The following NPAP1 variants were observed in gnomAD, a reference collection of about 807,000 sequenced individuals.
The protein encoded by NPAP1 is nuclear pore associated protein 1.
For synonymous variants in NPAP1, 616 were observed against 581.4 expected (o/e 1.06, Z -0.86); for missense variants, 1,483 against 1,454.5 (o/e 1.02, Z -0.32).
Position 24,677,739 on chromosome 15 carries a change from T to G in NPAP1, c.1872T>G (p.Leu624=). The G allele has an allele frequency of 2.5e-6, 4 of 1,614,090 alleles. No homozygotes were observed. Among genetic ancestry groups the G allele is most frequent in the Non-Finnish European group, 3.4e-6 (4 of 1,180,022 alleles). ...PGKTSVYTSP[L]PFIFHNTTPS... The stretch of plus-strand genomic sequence containing the variant: ...AGACATCAGTCTACACATCCCCACT[T>G]CCATTTATATTCCACAATACCACCC... Residue 624 remains leucine (L), a synonymous_variant, in exon 1 of 1, where the codon CTT becomes CTG. Transcript: ENST00000329468.
rs2049028726 is a variant in NPAP1 at position 24,683,293 on chromosome 15, T to A, written c.*3955T>A. On this transcript the variant is annotated 3_prime_UTR_variant, in exon 1 of 1. Coordinates refer to ENST00000329468, the MANE Select transcript of NPAP1 (RefSeq NM_018958.3). ...ACAGCAGTAGGGTGGACGCGTCAGG[T>A]TATAAATGACCCTGTCTCCTTTGTT... 6.0e-6 allele frequency: 1 copy of A among 167,000 alleles called. No individual in the cohort carries two copies. Among genetic ancestry groups the A allele is most frequent in the Non-Finnish European group, 1.5e-5 (1 of 68,430 alleles). The allele number at this position is 167,000 out of a possible 1,614,324, so 10.3% of individuals were successfully genotyped here.
At position 24,677,523 on chromosome 15, in the gene NPAP1, A is replaced by C. The variant is rs2048985042; in HGVS notation, c.1656A>C (p.Ser552=). Reference sequence around the variant, plus strand: ...CCAGCAAGCCTATGAATTCCACGTCAGTCATTTCCACTGTCACAACAAACG... The same window carrying C: ...CCAGCAAGCCTATGAATTCCACGTCCGTCATTTCCACTGTCACAACAAACG... ...VITSKPMNST[S]VISTVTTNAS... is the part of the protein sequence containing the mutation. Residue 552 remains serine (S), a synonymous_variant, in exon 1 of 1, where the codon TCA becomes TCC. Transcript: ENST00000329468. 3 of 1,614,126 alleles carry C rather than the reference A, an allele frequency of 1.9e-6. No homozygotes were observed. Among genetic ancestry groups the C allele is most frequent in the Non-Finnish European group, 8.5e-7 (1 of 1,180,018 alleles).
At position 24,677,005 on chromosome 15, in the gene NPAP1, A is replaced by G. The variant is rs776316222; in HGVS notation, c.1138A>G (p.Arg380Gly). 3.7e-6 allele frequency: 6 copies of G among 1,613,882 alleles called. No homozygotes were observed. In the East Asian group the frequency reaches 1.1e-4, roughly 30 times the overall value. ...GAGCCCTGAGTATAAAAGGAATAGC[A>G]GAATCTTGGAGGATAAAACAGAGAC... Reference protein sequence around the residue: ...EKSPEYKRNSRILEDKTETMT... With the variant: ...EKSPEYKRNSGILEDKTETMT... Residue 380 changes from arginine (R) to glycine (G), a missense_variant, in exon 1 of 1, where the codon AGA becomes GGA. Transcript: ENST00000329468.
rs2141309386 is a variant in NPAP1, at chr15:24,677,026, G to C, written c.1159G>C (p.Glu387Gln). 1.9e-6 allele frequency: 3 copies of C among 1,614,008 alleles called. No homozygotes were observed. Among genetic ancestry groups the C allele is most frequent in the Non-Finnish European group, 2.5e-6 (3 of 1,180,012 alleles). ...RNSRILEDKTETMTNSSITQP... is the reference protein window; with the variant it reads ...RNSRILEDKTQTMTNSSITQP... ...TAGCAGAATCTTGGAGGATAAAACA[G>C]AGACCATGACAAACAGCAGCATCAC... Residue 387 changes from glutamate (E) to glutamine (Q), a missense_variant, in exon 1 of 1, where the codon GAG becomes CAG. Transcript: ENST00000329468.
rs906186078 is a variant in NPAP1, at chr15:24,677,204, C to T, written c.1337C>T (p.Thr446Ile). 1 of 1,614,110 alleles carries T rather than the reference C, an allele frequency of 6.2e-7. No homozygotes were observed. The highest frequency in any genetic ancestry group is 1.1e-5 in the South Asian group (1 of 91,072). Reference sequence around the variant, plus strand: ...ATCCTGCCTATCCCTCCACTTTCCACCACACCAAAAATGGATGAGAAAATA... The same window carrying T: ...ATCCTGCCTATCCCTCCACTTTCCATCACACCAAAAATGGATGAGAAAATA... ...PLILPIPPLS[T>I]TPKMDEKIAF... Residue 446 changes from threonine to isoleucine, a missense_variant, in exon 1 of 1, where the codon ACC becomes ATC. Physicochemically the swap from Thr to Ile is moderately conservative, Grantham distance 89. Transcript: ENST00000329468.
chr15:24,678,994 A>C lies in NPAP1; in HGVS notation c.3127A>C (p.Ser1043Arg). The C allele has an allele frequency of 6.2e-7, 1 of 1,614,146 alleles. No homozygotes were observed. Among genetic ancestry groups the C allele is most frequent in the South Asian group, 1.1e-5 (1 of 91,080 alleles). The part of the protein sequence containing the change: ...SGELNIGQGQ[S>R]GTPSTTSVFP... ...AGAACTCAACATTGGACAAGGACAG[A>C]GTGGGACACCCAGCACCACTTCTGT... is the stretch of plus-strand genomic sequence containing the variant. The change falls in exon 1 of 1, where the codon AGT (serine) becomes CGT (arginine). Residue 1043 changes from serine to arginine, a missense_variant. By Grantham distance (110) the Ser-to-Arg change is moderately radical. Coordinates refer to ENST00000329468, the MANE Select transcript of NPAP1 (RefSeq NM_018958.3).
At position 24,681,616 on chromosome 15, in the gene NPAP1, T is replaced by C. The variant is rs1364981003; in HGVS notation, c.*2278T>C. Reference sequence around the variant, plus strand: ...GCCATGTGAAGGTATACCAACAAGGTAACAGTCTGTAAGCCAGGAAAAGAG... The same window carrying C: ...GCCATGTGAAGGTATACCAACAAGGCAACAGTCTGTAAGCCAGGAAAAGAG... On this transcript the variant is annotated 3_prime_UTR_variant, in exon 1 of 1. Coordinates refer to ENST00000329468, the MANE Select transcript of NPAP1 (RefSeq NM_018958.3). The C allele has an allele frequency of 6.0e-6, 1 of 167,028 alleles. No homozygotes were observed. The highest frequency in any genetic ancestry group is 1.5e-5 in the Non-Finnish European group (1 of 68,120). The allele number at this position is 167,028 out of a possible 1,614,324, so 10.3% of individuals were successfully genotyped here.
At position 24,676,365 on chromosome 15, in the gene NPAP1, G is replaced by A. The variant is rs35737140; in HGVS notation, c.498G>A (p.Pro166=). The change falls in exon 1 of 1, where the codon CCG becomes CCA. Residue 166 remains proline (P), a synonymous_variant. Transcript: ENST00000329468. The part of the protein sequence containing the change: ...GPRRVKKDED[P]VQIEGEDDEK... ...GAAGAGTGAAGAAGGATGAGGATCC[G>A]GTGCAGATCGAAGGGGAGGATGACG... is the stretch of plus-strand genomic sequence containing the variant. The A allele has an allele frequency of 3.1e-3, 4,892 of 1,554,392 alleles. 29 individuals are homozygous for A. Among genetic ancestry groups the A allele is most frequent in the South Asian group, 9.8e-3 (775 of 79,372 alleles).
At position 24,676,191 on chromosome 15, in the gene NPAP1, T is replaced by C; in HGVS notation, c.324T>C (p.Phe108=). 1 of 1,567,294 alleles carries C rather than the reference T, an allele frequency of 6.4e-7. No individual in the cohort carries two copies. Among genetic ancestry groups the C allele is most frequent in the Non-Finnish European group, 8.6e-7 (1 of 1,158,562 alleles). The change falls in exon 1 of 1, where the codon TTT becomes TTC. Residue 108 remains phenylalanine, a synonymous_variant. Coordinates refer to ENST00000329468, the MANE Select transcript of NPAP1 (RefSeq NM_018958.3). ...PMLPARNPPR[F]GHPSSVRIPP... ...TGCCTGCTCGGAACCCCCCGAGGTT[T>C]GGACACCCCAGTTCCGTAAGGATCC...
rs200967945 is a variant in NPAP1, at chr15:24,678,906, C to A, written c.3039C>A (p.Thr1013=). The change falls in exon 1 of 1, where the codon ACC becomes ACA. Residue 1013 remains threonine, a synonymous_variant. Transcript: ENST00000329468. Reference sequence around the variant, plus strand: ...CACAAGTGATTATGGGACCTGGAACCCCTATGGATGGTGGGAGCATTGGGT... The same window carrying A: ...CACAAGTGATTATGGGACCTGGAACACCTATGGATGGTGGGAGCATTGGGT... The part of the protein sequence containing the change: ...PGPQVIMGPG[T]PMDGGSIGFS... 6.2e-7 allele frequency: 1 copy of A among 1,614,152 alleles called. No homozygotes were observed. The highest frequency in any genetic ancestry group is 1.1e-5 in the South Asian group (1 of 91,078).
In NPAP1 at chr15:24,677,593, G is replaced by A; in HGVS notation, c.1726G>A (p.Val576Ile). Residue 576 changes from valine (V) to isoleucine (I), a missense_variant, in exon 1 of 1, where the codon GTT (valine) becomes ATT (isoleucine). Coordinates refer to ENST00000329468, the MANE Select transcript of NPAP1 (RefSeq NM_018958.3). Reference sequence around the variant, plus strand: ...ACAGACTGCGGTAGACCCTGAAGTAGTTAATATGGATACTACTGCCCCATC... The same window carrying A: ...ACAGACTGCGGTAGACCCTGAAGTAATTAATATGGATACTACTGCCCCATC... ...TSQTAVDPEV[V>I]NMDTTAPSQV... The A allele has an allele frequency of 6.2e-7, 1 of 1,614,190 alleles. No homozygotes were observed. Among genetic ancestry groups the A allele is most frequent in the Non-Finnish European group, 8.5e-7 (1 of 1,180,040 alleles).
Position 24,678,560 on chromosome 15 carries a change from A to G in NPAP1, c.2693A>G (p.His898Arg), listed in dbSNP as rs1403441567. The G allele has an allele frequency of 1.2e-6, 2 of 1,614,048 alleles. No individual in the cohort carries two copies. Among genetic ancestry groups the G allele is most frequent in the South Asian group, 1.1e-5 (1 of 91,074 alleles). ...CCTTTAAATACAGGATCCATCTCTC[A>G]TTCCACACTTGGGGCCACTGATGGG... ...SHPLNTGSIS[H>R]STLGATDGQQ... is the part of the protein sequence containing the mutation. Residue 898 changes from histidine (H) to arginine (R), a missense_variant, in exon 1 of 1, where the codon CAT (histidine) becomes CGT (arginine). By Grantham distance (29) the His-to-Arg change is conservative (BLOSUM62 0). Coordinates refer to ENST00000329468, the MANE Select transcript of NPAP1 (RefSeq NM_018958.3).
Position 24,676,620 on chromosome 15 carries a change from T to C in NPAP1, c.753T>C (p.His251=). Residue 251 remains histidine (H), a synonymous_variant, in exon 1 of 1, where the codon CAT becomes CAC. Coordinates refer to ENST00000329468, the MANE Select transcript of NPAP1 (RefSeq NM_018958.3). The stretch of plus-strand genomic sequence containing the variant: ...ACAGCCAGGCCGGATGTGCCCGGCA[T>C]CTTGGAAAGCCTGATCCGGATGCAA... ...STHSQAGCAR[H]LGKPDPDATA... is the part of the protein sequence containing the mutation. 6.2e-7 allele frequency: 1 copy of C among 1,613,884 alleles called. No homozygotes were observed. The highest frequency in any genetic ancestry group is 8.5e-7 in the Non-Finnish European group (1 of 1,179,922).
rs1734222479 is a variant in NPAP1, at chr15:24,678,932, T to C, written c.3065T>C (p.Phe1022Ser). 6.2e-7 allele frequency: 1 copy of C among 1,614,024 alleles called. No individual in the cohort carries two copies. Among genetic ancestry groups the C allele is most frequent in the Admixed American group, 1.7e-5 (1 of 60,004 alleles). Residue 1022 changes from phenylalanine to serine, a missense_variant, in exon 1 of 1, where the codon TTC becomes TCC. Physicochemically the swap from Phe to Ser is radical, Grantham distance 155. Coordinates refer to ENST00000329468, the MANE Select transcript of NPAP1 (RefSeq NM_018958.3). Reference protein sequence around the residue: ...GTPMDGGSIGFSMSAPGPSST... With the variant: ...GTPMDGGSIGSSMSAPGPSST... The stretch of plus-strand genomic sequence containing the variant: ...CCTATGGATGGTGGGAGCATTGGGT[T>C]CAGCATGTCTGCCCCAGGCCCCAGT...
chr15:24,677,397 C>T lies in NPAP1; in HGVS notation c.1530C>T (p.Pro510=), dbSNP rs746302824. 5.5e-5 allele frequency: 88 copies of T among 1,614,014 alleles called. No individual in the cohort carries two copies. Among genetic ancestry groups the T allele is most frequent in the South Asian group, 2.2e-4 (20 of 91,080 alleles). Residue 510 remains proline, a synonymous_variant, in exon 1 of 1, where the codon CCC becomes CCT. Transcript: ENST00000329468. The part of the protein sequence containing the change: ...PPSSTPSFKP[P]VTRESPISMC... ...GCTCCACACCCTCCTTCAAGCCTCC[C>T]GTCACAAGGGAGTCCCCAATATCTA...
chr15:24,679,492 C>A lies in NPAP1; in HGVS notation c.*154C>A. ...CAGGTTGTGCACCAGGAGGGGACAA[C>A]AACATCCCTGTGCTCCCTTTCTCTG... is the stretch of plus-strand genomic sequence containing the variant. On this transcript the variant is annotated 3_prime_UTR_variant, in exon 1 of 1. Transcript: ENST00000329468. The A allele has an allele frequency of 3.1e-6, 2 of 642,128 alleles. No homozygotes were observed. Among genetic ancestry groups the A allele is most frequent in the Non-Finnish European group, 5.6e-6 (2 of 359,280 alleles). The allele number at this position is 642,128 out of a possible 1,614,324, so 39.8% of individuals were successfully genotyped here.
Position 24,676,899 on chromosome 15 carries a change from G to A in NPAP1, c.1032G>A (p.Leu344=), listed in dbSNP as rs2141309079. 1 of 1,613,698 alleles carries A rather than the reference G, an allele frequency of 6.2e-7. No homozygotes were observed. The highest frequency in any genetic ancestry group is 2.2e-5 in the East Asian group (1 of 44,870). ...LLLPLPPSLP[L]LWDRGELPPP... Reference sequence around the variant, plus strand: ...TGCCGCTGCCCCCTTCACTGCCATTGCTGTGGGATCGAGGTGAGCTTCCCC... The same window carrying A: ...TGCCGCTGCCCCCTTCACTGCCATTACTGTGGGATCGAGGTGAGCTTCCCC... Residue 344 remains leucine, a synonymous_variant, in exon 1 of 1, where the codon TTG becomes TTA. Transcript: ENST00000329468.
At position 24,681,173 on chromosome 15, in the gene NPAP1, A is replaced by C. The variant is rs1230481155; in HGVS notation, c.*1835A>C. 2 of 167,296 alleles carry C rather than the reference A, an allele frequency of 1.2e-5. No homozygotes were observed. The highest frequency in any genetic ancestry group is 4.8e-5 in the African/African-American group (2 of 41,448). The allele number at this position is 167,296 out of a possible 1,614,324, so 10.4% of individuals were successfully genotyped here. On this transcript the variant is annotated 3_prime_UTR_variant, in exon 1 of 1. Transcript: ENST00000329468. ...AGGACAGAGGAGAGATGTGAGTGGAATTCCTTCCTCCACTTTTTACTAATT... is the reference window on the plus strand; with the variant it reads ...AGGACAGAGGAGAGATGTGAGTGGACTTCCTTCCTCCACTTTTTACTAATT...
rs140150292 is a variant in NPAP1, at chr15:24,678,774, A to G, written c.2907A>G (p.Ala969=). Residue 969 remains alanine, a synonymous_variant, in exon 1 of 1, where the codon GCA becomes GCG. Transcript: ENST00000329468. ...VNAEPVEGHN[A]SAFPNGTAKT... ...CTGAGCCAGTCGAGGGTCACAATGC[A>G]AGTGCTTTCCCCAATGGCACAGCAA... The G allele has an allele frequency of 3.1e-6, 5 of 1,614,226 alleles. No individual in the cohort carries two copies. The highest frequency in any genetic ancestry group is 4.2e-6 in the Non-Finnish European group (5 of 1,180,050).
Sources: gnomAD v4.1 joint callset for allele counts on GRCh38, gnomAD v4.1.1 for gene constraint, MANE v1.5 for transcripts, NCBI Gene and HGNC (gene_info 2026-07-23, HGNC 2026-07-21) for gene names.